The following SLC38A12 variants were observed in gnomAD, a reference collection of about 807,000 sequenced individuals.
The protein encoded by SLC38A12 is putative sodium-coupled neutral amino acid transporter 12.
At chr17:74,784,199 C>G in the SLC38A12 span, among the ~76,000 whole-genome samples, 1 of 151,910 alleles carries the variant, frequency 6.6e-6, no homozygotes, top group Non-Finnish European at 1.5e-5. Context: ...GTAAGCATTC[C>G]CAGAGATGAG....
At chr17:74,777,120 C>T in the SLC38A12 span, 6 of 630,870 alleles carry the variant, frequency 9.5e-6, no homozygotes, top group Middle Eastern at 4.2e-4. Context: ...GGTGACCCCT[C>T]CCTCGGGGGT....
At chr17:74,838,589 A>G in the SLC38A12 span, 2 of 1,238,810 alleles carry the variant, frequency 1.6e-6, no homozygotes, top group Non-Finnish European at 2.0e-6. Context: ...CCTGGAGGGA[A>G]CTGGCCAGCA....
At chr17:74,823,137 C>T in the SLC38A12 span, among the ~76,000 whole-genome samples, 203 of 152,276 alleles carry the variant, frequency 1.3e-3, no homozygotes, top group Admixed American at 1.9e-3. Context: ...CCCACACTCG[C>T]GCCGCACCCC....
chr17:74,815,192 C>T, the SLC38A12 span, among the ~76,000 whole-genome samples: 1 of 152,116 alleles, frequency 6.6e-6, no homozygotes, highest in Non-Finnish European at 1.5e-5. Flanking sequence ...GACCTTGCAG[C>T]GGGCCATGAG....
chr17:74,830,375 C>A, the SLC38A12 span, among the ~76,000 whole-genome samples: 1 of 152,228 alleles, frequency 6.6e-6, no homozygotes. Context: ...GGTGGGCTCA[C>A]CTGTCCTCCT....
At chr17:74,789,024 C>T in the SLC38A12 span, among the ~76,000 whole-genome samples, 1 of 152,182 alleles carries the variant, frequency 6.6e-6, no homozygotes, top group Non-Finnish European at 1.5e-5. Flanking sequence ...AGCTTAATAG[C>T]CACCTAAATC....
At chr17:74,823,419 C>T in the SLC38A12 span, among the ~76,000 whole-genome samples, 1 of 152,276 alleles carries the variant, frequency 6.6e-6, no homozygotes, top group Non-Finnish European at 1.5e-5. Flanking sequence ...CCAAGGGCCT[C>T]TGCTCTGCCC....
chr17:74,831,821 T>C, the SLC38A12 span, among the ~76,000 whole-genome samples: 3 of 152,210 alleles, frequency 2.0e-5, no homozygotes, highest in African/African-American at 7.2e-5. Context: ...CCACGCAGCC[T>C]CCACGAGGTG....
At chr17:74,808,739 C>T in the SLC38A12 span, among the ~76,000 whole-genome samples, 3 of 152,168 alleles carry the variant, frequency 2.0e-5, no homozygotes, top group Admixed American at 6.5e-5. Context: ...AGACAACAGG[C>T]GGGGTATTAC....
At chr17:74,837,663 T>C in the SLC38A12 span, 3 of 985,666 alleles carry the variant, frequency 3.0e-6, no homozygotes, top group South Asian at 4.7e-5. Flanking sequence ...GTGTTCACGC[T>C]ATATCCCTTG....
the SLC38A12 span, chr17:74,790,994 C>G: frequency 1.2e-6 from 2 of 1,613,856 alleles, no homozygotes; most frequent in Non-Finnish European, 1.7e-6. Flanking sequence ...AATCACAGAC[C>G]GGGTGGAAAT....
At chr17:74,790,731 G>T in the SLC38A12 span, among the ~76,000 whole-genome samples, 1 of 148,736 alleles carries the variant, frequency 6.7e-6, no homozygotes, top group Non-Finnish European at 1.5e-5. Context: ...TCTGACGCCT[G>T]CTCTCCCTTT....
chr17:74,777,610 C>G, the SLC38A12 span: 29 of 1,487,472 alleles, frequency 1.9e-5, no homozygotes, highest in Admixed American at 4.1e-5. Flanking sequence ...CAAACAAAAT[C>G]GCCATGCTGT....
chr17:74,785,336 A>G, the SLC38A12 span: 1 of 1,191,354 alleles, frequency 8.4e-7, no homozygotes, highest in Non-Finnish European at 1.2e-6. Flanking sequence ...CCCCAGGTGT[A>G]ATTCTCCTGT....
chr17:74,831,308 C>G, the SLC38A12 span, among the ~76,000 whole-genome samples: 1 of 152,248 alleles, frequency 6.6e-6, no homozygotes, highest in African/African-American at 2.4e-5. Context: ...GGACCCCTGT[C>G]TCAGTGTGCT....
chr17:74,816,003 C>G, the SLC38A12 span, among the ~76,000 whole-genome samples: 1 of 152,204 alleles, frequency 6.6e-6, no homozygotes, highest in African/African-American at 2.4e-5. Flanking sequence ...AGGGTCCCTT[C>G]CCCACATCTT....
the SLC38A12 span, chr17:74,838,450 A>G: frequency 9.8e-7 from 1 of 1,022,464 alleles, no homozygotes; most frequent in Non-Finnish European, 1.2e-6. Flanking sequence ...AAAGCTAATT[A>G]AATCATCCTG....
the SLC38A12 span, among the ~76,000 whole-genome samples, chr17:74,809,253 G>C: frequency 1.3e-5 from 2 of 152,298 alleles, no homozygotes; most frequent in Admixed American, 6.5e-5. Flanking sequence ...GTTTGAGGAA[G>C]GGACCTGGGG....
chr17:74,804,622 C>T, the SLC38A12 span, among the ~76,000 whole-genome samples: 1 of 152,224 alleles, frequency 6.6e-6, no homozygotes, highest in Non-Finnish European at 1.5e-5. Context: ...GGGGGTGTGG[C>T]AGCAGATACC....
Sources: gnomAD v4.1 joint callset for allele counts (sites outside exome capture counted in the v4.1 genomes callset) on GRCh38, gnomAD v4.1.1 for gene constraint, MANE v1.5 for transcripts, NCBI Gene and HGNC (gene_info 2026-07-23, HGNC 2026-07-21) for gene names.